GNPTAB: variants seen among roughly 807,000 people sequenced by gnomAD.
The protein encoded by GNPTAB is N-acetylglucosamine-1-phosphotransferase subunits alpha/beta.
Under a neutral mutation model 136.6 loss-of-function variants are expected in GNPTAB, and 92 were observed. The observed-to-expected ratio is 0.67, with a 90% CI of 0.57 to 0.80. The LOEUF (loss-of-function observed/expected upper bound fraction) is 0.80. Ranked by LOEUF, GNPTAB falls within the 30% of genes least tolerant of loss-of-function variation. The pLI, the probability that GNPTAB is intolerant of heterozygous loss-of-function variation, is 0.00. For missense variants in GNPTAB, 1,343 were observed against 1,501.8 expected (o/e 0.89, Z 1.75); for synonymous variants, 512 against 535.1 (o/e 0.96, Z 0.60).
chr12:101,790,640 A>T (rs1158884075), intron 2 of GNPTAB, among the ~76,000 whole-genome samples: 5 of 151,684 alleles, frequency 3.3e-5, no homozygotes, highest in Admixed American at 2.0e-4. Context: ...GGTGGTGTGC[A>T]TCTGTAGTCC....
rs908316825 is a variant in GNPTAB, at chr12:101,770,433, A to G, written c.1086T>C (p.Asn362=). Residue 362 remains asparagine, a synonymous_variant, in exon 9 of 21, where the codon AAT becomes AAC. Coordinates refer to ENST00000299314, the MANE Select transcript of GNPTAB (RefSeq NM_024312.5). ...GQIPSWLNLD[N]PRVTIVTHQD... ...GGTGTGTTACTATTGTCACTCGAGG[A>G]TTGTCAAGGTTCAGCCAGGATGGAA... is the stretch of plus-strand genomic sequence containing the variant. The G allele has an allele frequency of 3.1e-6, 5 of 1,613,730 alleles. No homozygotes were observed. The highest frequency in any genetic ancestry group is 4.2e-6 in the Non-Finnish European group (5 of 1,179,712).
intron 2 of GNPTAB, chr12:101,796,238 A>T: frequency 1.4e-6 from 1 of 702,460 alleles, no homozygotes; most frequent in Non-Finnish European, 2.6e-6. Flanking sequence ...CTACAGGGGG[A>T]TGAAATTCCC....
chr12:101,774,930 A>G (rs1953237868), intron 7 of GNPTAB, among the ~76,000 whole-genome samples: 1 of 152,224 alleles, frequency 6.6e-6, no homozygotes, highest in Non-Finnish European at 1.5e-5. Flanking sequence ...GTTAAAAATC[A>G]TGATATCAAA....
chr12:101,784,808 A>G (rs1250778918), intron 5 of GNPTAB, among the ~76,000 whole-genome samples: 1 of 152,152 alleles, frequency 6.6e-6, no homozygotes, highest in Non-Finnish European at 1.5e-5. Context: ...GAGCTAGAGA[A>G]CTAGACTTGG....
In GNPTAB at chr12:101,818,912, C is replaced by T. The variant is rs1870655689; in HGVS notation, c.117+11647G>A. Among the ~76,000 whole-genome samples, 3 of 152,280 alleles carry T rather than the reference C, an allele frequency of 2.0e-5. No homozygotes were observed. In the South Asian group the frequency reaches 6.2e-4, roughly 32 times the overall value. ...CAGTTCCTCTGCACATGCTCTCTTG[C>T]CTGCTGCCATGTAAGATGTGCCTTT... is the stretch of plus-strand genomic sequence containing the variant. On this transcript the variant is annotated intron_variant, in intron 1 of 20. Coordinates refer to ENST00000299314, the MANE Select transcript of GNPTAB (RefSeq NM_024312.5).
At chr12:101,764,146 A>G in intron 13 of GNPTAB, 56 bp downstream of exon 13, 1 of 1,610,256 alleles carries the variant, frequency 6.2e-7, no homozygotes, top group Non-Finnish European at 8.5e-7. Context: ...TGATATTATC[A>G]TGAGATTATT....
intron 1 of GNPTAB, among the ~76,000 whole-genome samples, chr12:101,814,126 C>A (rs1466025970): frequency 6.6e-6 from 1 of 150,790 alleles, no homozygotes; most frequent in African/African-American, 2.4e-5. Context: ...TGATGAAACA[C>A]CATCTCTACA....
At chr12:101,785,227 T>C (rs551169708) in intron 5 of GNPTAB, among the ~76,000 whole-genome samples, 4 of 152,318 alleles carry the variant, frequency 2.6e-5, no homozygotes, top group African/African-American at 9.6e-5. Context: ...CTTTTGCTAT[T>C]ATTTATTATT....
rs1953093467 is a variant in GNPTAB at position 101,766,365 on chromosome 12, T to C, written c.1409-71A>G. On this transcript the variant is annotated intron_variant, in intron 11 of 20. Coordinates refer to ENST00000299314, the MANE Select transcript of GNPTAB (RefSeq NM_024312.5). ...TTGAAAGACAGTTCTGGACTGGGTG[T>C]GGTGGCTGACGCCTGTAATCTCAAC... 9 of 1,371,906 alleles carry C rather than the reference T, an allele frequency of 6.6e-6. No individual in the cohort carries two copies. In the Middle Eastern group the frequency reaches 9.1e-4, roughly 138 times the overall value. The allele number at this position is 1,371,906 out of a possible 1,614,324, so 85.0% of individuals were successfully genotyped here.
At chr12:101,825,711 CTCA>C (rs1299685533) in intron 1 of GNPTAB, among the ~76,000 whole-genome samples, 3 of 151,780 alleles carry the variant, frequency 2.0e-5, no homozygotes, top group Admixed American at 6.6e-5. Flanking sequence ...AGTCATGCTT[CTCA>C]TGTGAAGTAT....
At chr12:101,809,204 A>G (rs1870095298) in intron 1 of GNPTAB, among the ~76,000 whole-genome samples, 1 of 152,254 alleles carries the variant, frequency 6.6e-6, no homozygotes, top group Non-Finnish European at 1.5e-5. Flanking sequence ...ATCACATGTC[A>G]TTAGGGAATA....
chr12:101,758,653 T>C (rs1032765974), intron 16 of GNPTAB, among the ~76,000 whole-genome samples: 1 of 152,024 alleles, frequency 6.6e-6, no homozygotes, highest in Non-Finnish European at 1.5e-5. Context: ...TACTAACCCA[T>C]GCCATATGCT....
intron 1 of GNPTAB, among the ~76,000 whole-genome samples, chr12:101,814,590 G>C (rs559616202): frequency 2.6e-3 from 395 of 152,028 alleles, no homozygotes; most frequent in Non-Finnish European, 4.4e-3. Flanking sequence ...CCAGCTACTC[G>C]TGAGGCTGAG....
chr12:101,797,344 G>A (rs925765313), intron 1 of GNPTAB, among the ~76,000 whole-genome samples: 3 of 152,100 alleles, frequency 2.0e-5, no homozygotes, highest in African/African-American at 7.2e-5. Context: ...GAAGGGACAG[G>A]CCGGGCACGG....
rs997157065 is a variant in GNPTAB at position 101,765,286 on chromosome 12, T to C, written c.1631A>G (p.Tyr544Cys). 2.5e-6 allele frequency: 4 copies of C among 1,609,804 alleles called. No homozygotes were observed. The highest frequency in any genetic ancestry group is 1.3e-5 in the African/African-American group (1 of 74,866). Residue 544 changes from tyrosine (Y) to cysteine (C), a missense_variant, in exon 13 of 21, where the codon TAT becomes TGT. By Grantham distance (194) the Tyr-to-Cys change is radical. Transcript: ENST00000299314. ...CTGGTTTGGGAGAAGGATCACTTTA[T>C]ACAATTCATGAAAATGATCTAGAGG... Reference protein sequence around the residue: ...DCGQDHFHELYKVILLPNQTH... With the variant: ...DCGQDHFHELCKVILLPNQTH...
At chr12:101,820,737 G>A (rs1566101353) in intron 1 of GNPTAB, among the ~76,000 whole-genome samples, 3 of 152,032 alleles carry the variant, frequency 2.0e-5, no homozygotes, top group South Asian at 2.1e-4. Context: ...TACCCTCTAC[G>A]GTTGAACTCA....
intron 7 of GNPTAB, 125 bp downstream of exon 7, chr12:101,780,027 A>G (rs930278623): frequency 1.7e-5 from 16 of 953,778 alleles, no homozygotes; most frequent in East Asian, 4.8e-5. Context: ...CTGGCAGAAC[A>G]GAATCCCTCT....
Position 101,830,729 on chromosome 12 carries a change from G to T in GNPTAB, c.-54C>A. On this transcript the variant is annotated 5_prime_UTR_variant, in exon 1 of 21. Coordinates refer to ENST00000299314, the MANE Select transcript of GNPTAB (RefSeq NM_024312.5). ...AGGAGCCTGAGCCGCCGCCGCCGCC[G>T]CCGCCGCCTCAGCGAGCCGCCATTC... is the stretch of plus-strand genomic sequence containing the variant. 1 of 1,144,830 alleles carries T rather than the reference G, an allele frequency of 8.7e-7. No homozygotes were observed. Among genetic ancestry groups the T allele is most frequent in the South Asian group, 1.3e-5 (1 of 77,100 alleles). The allele number at this position is 1,144,830 out of a possible 1,614,324, so 70.9% of individuals were successfully genotyped here. A position where few individuals can be genotyped will look rare whatever the true frequency, so the allele number is the denominator to read the frequency against.
intron 1 of GNPTAB, among the ~76,000 whole-genome samples, chr12:101,818,393 T>A (rs1262177417): frequency 1.3e-5 from 2 of 150,790 alleles, no homozygotes; most frequent in Non-Finnish European, 3.0e-5. Flanking sequence ...TTTTTTTTTT[T>A]TGGAGACAGA....
Sources: allele counts gnomAD v4.1 joint callset (sites outside exome capture counted in the v4.1 genomes callset), GRCh38; gene constraint gnomAD v4.1.1; transcripts MANE v1.5; gene names NCBI Gene and HGNC (gene_info 2026-07-23, HGNC 2026-07-21).